Variants in SUFU observed in about 807,000 individuals in gnomAD.
The protein encoded by SUFU is SUFU negative regulator of hedgehog signaling, also known as suppressor of fused homolog.
SUFU carries 7 observed loss-of-function variants against 58.9 expected under a neutral mutation model. That is an observed-to-expected ratio of 0.12 (90% CI 0.07 to 0.22). The LOEUF (loss-of-function observed/expected upper bound fraction) is 0.22. SUFU is among the 10% of genes least tolerant of loss of function. The probability of loss-of-function intolerance (pLI) is 1.00; values close to 1 mark genes in which losing one functional copy is unlikely to be tolerated. For missense variants in SUFU, 451 were observed against 641.3 expected, an observed-to-expected ratio of 0.70 and a Z score of 3.20; for synonymous variants, 232 against 254.8, an observed-to-expected ratio of 0.91 and a Z score of 0.85.
chr10:102,532,714 C>T (rs2062690203), intron 2 of SUFU, among the ~76,000 whole-genome samples: 1 of 152,088 alleles, frequency 6.6e-6, no homozygotes, highest in African/African-American at 2.4e-5. Flanking sequence ...CGCAGAGTTT[C>T]GGAGGCAAGG....
rs560435069 is a variant in SUFU, at chr10:102,620,130, G to A, written c.1296+2702G>A. On this transcript the variant is annotated intron_variant, in intron 10 of 11. Transcript: ENST00000369902. ...GTCTTATGTTCTCTTAACTGCTGCC[G>A]GAACTCTCCCATTGGTCCCAGCTGA... 9.8e-5 allele frequency among the ~76,000 whole-genome samples: 15 copies of A among 152,290 alleles called. No homozygotes were observed. The South Asian group carries it at 1.0e-3, about 11-fold the overall frequency.
At chr10:102,519,329 G>A (rs1353133216) in intron 2 of SUFU, among the ~76,000 whole-genome samples, 1 of 151,376 alleles carries the variant, frequency 6.6e-6, no homozygotes, top group Non-Finnish European at 1.5e-5. Flanking sequence ...GTTCGAGACC[G>A]ACCTGGCCAA....
At chr10:102,513,652 G>A (rs2062428390) in intron 2 of SUFU, among the ~76,000 whole-genome samples, 1 of 152,222 alleles carries the variant, frequency 6.6e-6, no homozygotes, top group African/African-American at 2.4e-5. Flanking sequence ...ATTGCTAGAG[G>A]CTGCAGTGAG....
upstream of SUFU, chr10:102,503,860 T>G (rs2062280867): frequency 2.5e-6 from 1 of 400,844 alleles, no homozygotes; most frequent in Non-Finnish European, 4.5e-6. Context: ...TATTGTCAAG[T>G]CACACCTTCC....
At chr10:102,580,496 G>C (rs1306901313) in intron 3 of SUFU, among the ~76,000 whole-genome samples, 4 of 152,286 alleles carry the variant, frequency 2.6e-5, no homozygotes, top group African/African-American at 4.8e-5. Context: ...GCTTGGGGAG[G>C]GGGTATGGAG....
chr10:102,547,485 T>A (rs1260468571), intron 2 of SUFU, among the ~76,000 whole-genome samples: 1 of 152,224 alleles, frequency 6.6e-6, no homozygotes, highest in Non-Finnish European at 1.5e-5. Context: ...TTTCCCACAT[T>A]GCTATAGATA....
intron 2 of SUFU, among the ~76,000 whole-genome samples, chr10:102,528,159 G>A (rs2062633279): frequency 6.6e-6 from 1 of 152,142 alleles, no homozygotes; most frequent in Non-Finnish European, 1.5e-5. Context: ...TTTGAGTTTG[G>A]GGGTGGTTGG....
chr10:102,600,486 C>T (rs2063505426), intron 8 of SUFU, among the ~76,000 whole-genome samples: 1 of 152,170 alleles, frequency 6.6e-6, no homozygotes. Context: ...TGGTGTGCAT[C>T]TGGCTGTCGA....
At chr10:102,591,563 T>C (rs1158674832) in intron 3 of SUFU, 1 of 150,082 alleles carries the variant, frequency 6.7e-6, no homozygotes, top group Non-Finnish European at 1.5e-5. Flanking sequence ...ATTGGAACGA[T>C]ACAGAGAAGA....
At chr10:102,605,158 C>A (rs1346889504) in intron 8 of SUFU, among the ~76,000 whole-genome samples, 1 of 151,844 alleles carries the variant, frequency 6.6e-6, no homozygotes, top group African/African-American at 2.4e-5. Context: ...ACCTTATGAT[C>A]TGCCCGCCTC....
At chr10:102,618,999 C>T (rs1178635665) in intron 10 of SUFU, 3 of 1,370,522 alleles carry the variant, frequency 2.2e-6, no homozygotes, top group Non-Finnish European at 3.1e-6. Context: ...GCACGTTTTC[C>T]TGGGACAGTC....
chr10:102,509,330 C>G (rs753299006), intron 2 of SUFU, 27 bp downstream of exon 2: 1 of 1,612,908 alleles, frequency 6.2e-7, no homozygotes, highest in East Asian at 2.2e-5. Context: ...TGTTCTTTAT[C>G]CAGAGCCTTA....
intron 3 of SUFU, among the ~76,000 whole-genome samples, chr10:102,582,152 C>T (rs2063286883): frequency 6.6e-6 from 1 of 152,208 alleles, no homozygotes; most frequent in African/African-American, 2.4e-5. Flanking sequence ...CGCTCCTGGG[C>T]TCCCAAAGGG....
chr10:102,548,044 G>A (rs1171773952), intron 2 of SUFU, among the ~76,000 whole-genome samples: 1 of 152,070 alleles, frequency 6.6e-6, no homozygotes, highest in African/African-American at 2.4e-5. Context: ...CCAGCTACTC[G>A]GGAGGCTGAG....
chr10:102,510,977 C>T (rs1430014844), intron 2 of SUFU, among the ~76,000 whole-genome samples: 7 of 151,370 alleles, frequency 4.6e-5, no homozygotes, highest in Admixed American at 1.3e-4. Context: ...TAAAATTAGC[C>T]GGGCGTGGTG....
intron 1 of SUFU, among the ~76,000 whole-genome samples, chr10:102,507,553 G>A (rs1415442329): frequency 6.6e-6 from 1 of 152,238 alleles, no homozygotes; most frequent in East Asian, 1.9e-4. Flanking sequence ...CCTCTGTTGA[G>A]ATGCTAAGCT....
intron 3 of SUFU, among the ~76,000 whole-genome samples, chr10:102,569,687 C>T (rs779473709): frequency 6.6e-5 from 10 of 152,094 alleles, no homozygotes; most frequent in African/African-American, 9.7e-5. Context: ...GGTACATAGA[C>T]GGCTGAGGGG....
chr10:102,540,976 C>T (rs1484806157), intron 2 of SUFU, among the ~76,000 whole-genome samples: 3 of 151,994 alleles, frequency 2.0e-5, no homozygotes, highest in African/African-American at 7.2e-5. Flanking sequence ...GATCAGAGAT[C>T]GCGCCATTGC....
intron 3 of SUFU, among the ~76,000 whole-genome samples, chr10:102,573,881 GA>G (rs558522750): frequency 2.0e-5 from 3 of 152,032 alleles, no homozygotes; most frequent in African/African-American, 7.2e-5. Flanking sequence ...TGGGGAAGAT[GA>G]AAAAAAGTCC....
Sources: allele counts gnomAD v4.1 joint callset (sites outside exome capture counted in the v4.1 genomes callset), GRCh38; gene constraint gnomAD v4.1.1; transcripts MANE v1.5; gene names NCBI Gene and HGNC (gene_info 2026-07-23, HGNC 2026-07-21).